The following HMGXB3 variants were observed in gnomAD, a reference collection of about 807,000 sequenced individuals.
HMGXB3 encodes HMG domain-containing protein 3.
Under a neutral mutation model 121.5 loss-of-function variants are expected in HMGXB3, and 45 were observed. That is an observed-to-expected ratio of 0.37 (90% CI 0.29 to 0.47). The LOEUF (loss-of-function observed/expected upper bound fraction) is 0.47, where lower values mean the gene tolerates loss of function less well. Among genes scored for constraint, HMGXB3 ranks in the 20% least tolerant of loss-of-function variants. The pLI, the probability that HMGXB3 is intolerant of heterozygous loss-of-function variation, is 0.99. For synonymous variants in HMGXB3, 590 were observed against 624.1 expected (o/e 0.95, Z 0.81); for missense variants, 1,376 against 1,602.2 (o/e 0.86, Z 2.41).
intron 2 of HMGXB3, among the ~76,000 whole-genome samples, chr5:150,006,114 G>A (rs1483263478): frequency 6.6e-6 from 1 of 151,974 alleles, no homozygotes; most frequent in Admixed American, 6.6e-5. Flanking sequence ...CTTTAATATG[G>A]TAGCTTATAT....
intron 4 of HMGXB3, among the ~76,000 whole-genome samples, chr5:150,011,070 G>A (rs1379529640): frequency 6.6e-6 from 1 of 152,136 alleles, no homozygotes; most frequent in Non-Finnish European, 1.5e-5. Context: ...CAGGATTATA[G>A]GCTTGTCCAT....
chr5:150,049,536 G>A (rs1417440272), intron 18 of HMGXB3, among the ~76,000 whole-genome samples: 1 of 152,208 alleles, frequency 6.6e-6, no homozygotes, highest in Non-Finnish European at 1.5e-5. Flanking sequence ...TTTAACAGAA[G>A]CTGTGTCTGA....
chr5:150,047,403 A>G (rs3020829), intron 16 of HMGXB3: 486,983 of 546,398 alleles, frequency 0.89, 217,705 homozygotes, highest in East Asian at 1. Context: ...CAGTGGCGGT[A>G]TGCAGGATAT....
At chr5:150,005,034 G>A in intron 2 of HMGXB3, 45 bp downstream of exon 2, 1 of 1,522,222 alleles carries the variant, frequency 6.6e-7, no homozygotes. Flanking sequence ...ATAAACAGAA[G>A]TTGCTTGGAG....
chr5:150,003,249 G>C (rs959555172), intron 1 of HMGXB3, among the ~76,000 whole-genome samples: 8 of 152,224 alleles, frequency 5.3e-5, no homozygotes, highest in African/African-American at 1.9e-4. Flanking sequence ...ATATTTGACA[G>C]CACAGATGTA....
chr5:150,003,482 C>T (rs10076686), intron 1 of HMGXB3, among the ~76,000 whole-genome samples: 1,805 of 151,902 alleles, frequency 0.012, 43 homozygotes, highest in African/African-American at 0.041. Flanking sequence ...TGGTGGCTCA[C>T]GCTTGTAATT....
chr5:150,042,805 T>G (rs1337298809), intron 15 of HMGXB3, among the ~76,000 whole-genome samples: 1 of 152,240 alleles, frequency 6.6e-6, no homozygotes, highest in Non-Finnish European at 1.5e-5. Context: ...CAAACTCAGA[T>G]GGCTTCATAG....
chr5:150,014,906 C>T (rs1755925745), intron 5 of HMGXB3: 1 of 786,100 alleles, frequency 1.3e-6, no homozygotes, highest in South Asian at 2.0e-5. Flanking sequence ...TTCTTCAGCA[C>T]CTTCGCTATC....
rs562378125 is a variant in HMGXB3, at chr5:150,026,667, G to T, written c.1461-39G>T. On this transcript the variant is annotated intron_variant, in intron 7 of 19. Coordinates refer to ENST00000502717, the MANE Select transcript of HMGXB3 (RefSeq NM_014983.3). ...ATTGCGCTTTGGTTTTCTTCCCTTT[G>T]TTCCAGAATTTCCAGATTTCTCTTC... 64 of 1,526,274 alleles carry T rather than the reference G, an allele frequency of 4.2e-5. No homozygotes were observed. In the African/African-American group the frequency reaches 7.5e-4, roughly 18 times the overall value. 94.5% of individuals were successfully genotyped at this position (1,526,274 alleles called of 1,614,324 possible).
chr5:150,034,568 TCTTAAA>T, intron 11 of HMGXB3, among the ~76,000 whole-genome samples: 1 of 152,170 alleles, frequency 6.6e-6, no homozygotes, highest in African/African-American at 2.4e-5. Context: ...CAAATCCCAC[TCTTAAA>T]CTTATATCCA....
intron 6 of HMGXB3, 43 bp from the exon 7 acceptor site, chr5:150,024,219 C>A: frequency 7.1e-7 from 1 of 1,401,488 alleles, no homozygotes; most frequent in Non-Finnish European, 9.5e-7. Flanking sequence ...ATGTCATCAA[C>A]TGTAAAATCC....
At chr5:150,024,050 C>T (rs1261690046) in intron 6 of HMGXB3, among the ~76,000 whole-genome samples, 2 of 152,268 alleles carry the variant, frequency 1.3e-5, no homozygotes, top group East Asian at 1.9e-4. Context: ...TTTATTCAAA[C>T]GAAGGCATTT....
intron 3 of HMGXB3, among the ~76,000 whole-genome samples, chr5:150,008,085 AC>A: frequency 6.6e-6 from 1 of 151,876 alleles, no homozygotes; most frequent in African/African-American, 2.4e-5. Context: ...ACACACACAC[AC>A]ACACACACAC....
chr5:150,028,087 G>T (rs150016041), intron 9 of HMGXB3, among the ~76,000 whole-genome samples: 99 of 152,204 alleles, frequency 6.5e-4, no homozygotes, highest in African/African-American at 2.3e-3. Flanking sequence ...ACATTCTAGG[G>T]GGACATCAGT....
intron 13 of HMGXB3, among the ~76,000 whole-genome samples, chr5:150,039,499 TA>T (rs548607045): frequency 3.5e-4 from 53 of 152,310 alleles, no homozygotes; most frequent in African/African-American, 1.3e-3. Context: ...TTATCAATTT[TA>T]TAGGTAAAAA....
chr5:150,050,786 C>T (rs971226061), intron 19 of HMGXB3, among the ~76,000 whole-genome samples: 5 of 152,178 alleles, frequency 3.3e-5, no homozygotes, highest in African/African-American at 4.8e-5. Flanking sequence ...CAGCCTACTC[C>T]GTAAGTTTTT....
chr5:150,030,670 G>A (rs955730000), intron 9 of HMGXB3, 71 bp from the exon 10 acceptor site: 7 of 1,162,380 alleles, frequency 6.0e-6, no homozygotes, highest in African/African-American at 4.6e-5. Flanking sequence ...CCCTCAAGTC[G>A]TTTCAGGACA....
chr5:150,024,684 A>G lies in HMGXB3; in HGVS notation c.1460+4A>G. ...CTGCTCCTAAAAAACCTACAGGGTA[A>G]GTCAGTGTGTTTGTATAATATAGGG... On this transcript the variant is annotated splice_donor_region_variant and intron_variant, in intron 7 of 19. Coordinates refer to ENST00000502717, the MANE Select transcript of HMGXB3 (RefSeq NM_014983.3). 6.5e-7 allele frequency: 1 copy of G among 1,535,514 alleles called. No homozygotes were observed. Among genetic ancestry groups the G allele is most frequent in the East Asian group, 2.5e-5 (1 of 40,782 alleles).
Position 150,041,982 on chromosome 5 carries a change from T to C in HMGXB3, c.2730+13T>C. On this transcript the variant is annotated intron_variant, in intron 15 of 19. Transcript: ENST00000502717. ...GAAGAGCGTGGAGGTAAGTGCCTCT[T>C]AGCCACCGTGAGGGACCTGCGGAAT... 6.5e-7 allele frequency: 1 copy of C among 1,546,970 alleles called. No homozygotes were observed. The highest frequency in any genetic ancestry group is 8.7e-7 in the Non-Finnish European group (1 of 1,143,288).
Sources: gnomAD v4.1 joint callset for allele counts (sites outside exome capture counted in the v4.1 genomes callset) on GRCh38, gnomAD v4.1.1 for gene constraint, MANE v1.5 for transcripts, NCBI Gene and HGNC (gene_info 2026-07-23, HGNC 2026-07-21) for gene names.